The following SF3B3 variants were observed in gnomAD, a reference collection of about 807,000 sequenced individuals.
The protein encoded by SF3B3 is SAP 130.
SF3B3 carries 33 observed loss-of-function variants against 139.2 expected under a neutral mutation model. That is an observed-to-expected ratio of 0.24 (90% CI 0.18 to 0.32). The LOEUF (loss-of-function observed/expected upper bound fraction) is 0.32. Ranked by LOEUF, SF3B3 falls within the 10% of genes least tolerant of loss-of-function variation. SF3B3 has a pLI of 1.00. For synonymous variants in SF3B3, 596 were observed against 563.6 expected (o/e 1.06, Z -0.81); for missense variants, 818 against 1,509.4 (o/e 0.54, Z 7.59).
At chr16:70,529,511 G>A (rs1462663005) in intron 3 of SF3B3, 1 of 319,908 alleles carries the variant, frequency 3.1e-6, no homozygotes, top group African/African-American at 2.2e-5. Context: ...GCTTTCATCA[G>A]CCTGAAGTGA....
In SF3B3 at chr16:70,563,629, G is replaced by T; in HGVS notation, c.2289-247G>T. The T allele has an allele frequency of 2.4e-6, 1 of 410,844 alleles. No individual in the cohort carries two copies. Among genetic ancestry groups the T allele is most frequent in the South Asian group, 5.7e-5 (1 of 17,546 alleles). The allele number at this position is 410,844 out of a possible 1,614,324, so 25.4% of individuals were successfully genotyped here. On this transcript the variant is annotated intron_variant, in intron 17 of 25. Coordinates refer to ENST00000302516, the MANE Select transcript of SF3B3 (RefSeq NM_012426.5). ...AAAAAAACTTTTGACAATCGTTTGT[G>T]TTTCATTGGTAGGAACTAGAACTGC...
intron 20 of SF3B3, 57 bp downstream of exon 20, chr16:70,565,581 T>G: frequency 6.6e-7 from 1 of 1,522,164 alleles, no homozygotes; most frequent in Non-Finnish European, 9.0e-7. Flanking sequence ...TCTCTCACTT[T>G]TGCTTATGTT....
intron 10 of SF3B3, among the ~76,000 whole-genome samples, chr16:70,546,508 C>T (rs992274539): frequency 1.3e-5 from 2 of 151,968 alleles, no homozygotes; most frequent in African/African-American, 2.4e-5. Flanking sequence ...AAAAATGAGC[C>T]GAGAGTGGTG....
intron 6 of SF3B3, among the ~76,000 whole-genome samples, chr16:70,536,045 A>G (rs1229808917): frequency 6.6e-6 from 1 of 152,114 alleles, no homozygotes; most frequent in Non-Finnish European, 1.5e-5. Flanking sequence ...AAATTGTAAC[A>G]TTTTGTGTAG....
intron 18 of SF3B3, 101 bp from the exon 19 acceptor site, chr16:70,564,964 T>G (rs1336594386): frequency 8.6e-6 from 9 of 1,042,440 alleles, no homozygotes; most frequent in Non-Finnish European, 1.3e-5. Flanking sequence ...TGCTGCTTTA[T>G]GTATTGAGAA....
chr16:70,540,796 T>C (rs1417221165), intron 8 of SF3B3, among the ~76,000 whole-genome samples: 1 of 152,230 alleles, frequency 6.6e-6, no homozygotes, highest in East Asian at 1.9e-4. Flanking sequence ...CGTTCCTTTT[T>C]GTGGCGGAAT....
At chr16:70,570,181 T>C (rs776650877) in intron 24 of SF3B3, 32 bp downstream of exon 24, 2 of 1,611,736 alleles carry the variant, frequency 1.2e-6, no homozygotes, top group South Asian at 2.2e-5. Flanking sequence ...TGGCCTTGAC[T>C]TTTAAGGTTG....
rs940476198 is a variant in SF3B3 at position 70,536,426 on chromosome 16, C to T, written c.825+1006C>T. 1.4e-4 allele frequency among the ~76,000 whole-genome samples: 22 copies of T among 151,972 alleles called. 1 individual carries two copies. The highest frequency in any genetic ancestry group is 1.1e-3 in the Admixed American group (17 of 15,246). ...TCACCCAGGCTAGAGTGTAGTGGTG[C>T]GATCTGGGCTCACTGCAAGCTCCGC... On this transcript the variant is annotated intron_variant, in intron 6 of 25. Transcript: ENST00000302516.
At chr16:70,569,766 A>T (rs1392228443) in intron 23 of SF3B3, 1 of 454,914 alleles carries the variant, frequency 2.2e-6, no homozygotes, top group African/African-American at 2.0e-5. Flanking sequence ...AGTAGCTGAG[A>T]CTATAGTACA....
intron 23 of SF3B3, 131 bp downstream of exon 23, chr16:70,569,272 C>T: frequency 1.6e-6 from 1 of 606,930 alleles, no homozygotes; most frequent in Non-Finnish European, 2.9e-6. Flanking sequence ...GTCCACAGTC[C>T]TTTCTTACCA....
rs1487303790 is a variant in SF3B3 at position 70,538,317 on chromosome 16, T to C, written c.826-6T>C. On this transcript the variant is annotated splice_region_variant and splice_polypyrimidine_tract_variant and intron_variant, in intron 6 of 25. Coordinates refer to ENST00000302516, the MANE Select transcript of SF3B3 (RefSeq NM_012426.5). The stretch of plus-strand genomic sequence containing the variant: ...AAGACATTGATTGTGTTTTTGACTT[T>C]GCTAGAATGACCTGGATGACCCTGA... The C allele has an allele frequency of 4.3e-6, 7 of 1,613,100 alleles. No homozygotes were observed. The African/African-American group carries it at 5.3e-5, about 12-fold the overall frequency.
At chr16:70,571,009 A>G (rs1327666222) in intron 24 of SF3B3, 86 bp from the exon 25 acceptor site, 24 of 881,800 alleles carry the variant, frequency 2.7e-5, no homozygotes, top group Non-Finnish European at 4.2e-5. Flanking sequence ...GTAAAAATGA[A>G]TGGCTTGTCT....
rs2050132089 is a variant in SF3B3 at position 70,532,580 on chromosome 16, C to T, written c.672C>T (p.Tyr224=). Residue 224 remains tyrosine (Y), a synonymous_variant, in exon 5 of 26, where the codon TAC becomes TAT. Transcript: ENST00000302516. Reference sequence around the variant, plus strand: ...GTTTAAATCATGTGGTCCGAAAATACAGTGAACCTTTGGAGGAACACGGCA... The same window carrying T: ...GTTTAAATCATGTGGTCCGAAAATATAGTGAACCTTTGGAGGAACACGGCA... The part of the protein sequence containing the change: ...DLGLNHVVRK[Y]SEPLEEHGNF... 6.2e-7 allele frequency: 1 copy of T among 1,614,020 alleles called. No individual in the cohort carries two copies. Among genetic ancestry groups the T allele is most frequent in the African/African-American group, 1.3e-5 (1 of 74,938 alleles).
intron 3 of SF3B3, among the ~76,000 whole-genome samples, chr16:70,529,901 G>C (rs2050103966): frequency 1.3e-5 from 2 of 151,936 alleles, no homozygotes; most frequent in Non-Finnish European, 2.9e-5. Flanking sequence ...GGGAGGCCAA[G>C]GTGGGAGGAT....
chr16:70,533,829 A>G (rs749424415), intron 5 of SF3B3, among the ~76,000 whole-genome samples: 1 of 152,238 alleles, frequency 6.6e-6, no homozygotes, highest in Non-Finnish European at 1.5e-5. Context: ...AAGCAGATGA[A>G]TTTTTGATCA....
In SF3B3 at chr16:70,528,860, T is replaced by G. The variant is rs1460543785; in HGVS notation, c.71-13T>G. On this transcript the variant is annotated splice_polypyrimidine_tract_variant and intron_variant, in intron 2 of 25. Coordinates refer to ENST00000302516, the MANE Select transcript of SF3B3 (RefSeq NM_012426.5). ...TTCTGGTTGTTTATGATCTTTATTT[T>G]TTGGTGATCTAGGAACCAAACAACA... The G allele has an allele frequency of 6.3e-7, 1 of 1,589,458 alleles. No homozygotes were observed. The highest frequency in any genetic ancestry group is 8.6e-7 in the Non-Finnish European group (1 of 1,161,682).
chr16:70,541,804 G>A lies in SF3B3; in HGVS notation c.1203G>A (p.Leu401=). The A allele has an allele frequency of 2.5e-6, 4 of 1,614,030 alleles. No homozygotes were observed. Among genetic ancestry groups the A allele is most frequent in the Non-Finnish European group, 3.4e-6 (4 of 1,179,940 alleles). The stretch of plus-strand genomic sequence containing the variant: ...AAAACCTTGTGCTGGTTGATGAGTT[G>A]GACAGCCTCTCTCCCATTCTGTTTT... The part of the protein sequence containing the change: ...PLKNLVLVDE[L]DSLSPILFCQ... Residue 401 remains leucine, a synonymous_variant, in exon 9 of 26, where the codon TTG becomes TTA. Transcript: ENST00000302516.
At chr16:70,571,257 G>A (rs1388469233) in intron 25 of SF3B3, 58 bp downstream of exon 25, 3 of 1,262,142 alleles carry the variant, frequency 2.4e-6, no homozygotes, top group African/African-American at 2.9e-5. Flanking sequence ...AGCACAGGGA[G>A]TGGATTGATG....
intron 17 of SF3B3, 37 bp downstream of exon 17, chr16:70,561,821 C>T (rs1199899161): frequency 6.3e-7 from 1 of 1,597,406 alleles, no homozygotes; most frequent in Admixed American, 1.7e-5. Context: ...AGCAGGAAGC[C>T]TTTCTGCCAA....
Sources: allele counts gnomAD v4.1 joint callset (sites outside exome capture counted in the v4.1 genomes callset), GRCh38; gene constraint gnomAD v4.1.1; transcripts MANE v1.5; gene names NCBI Gene and HGNC (gene_info 2026-07-23, HGNC 2026-07-21).